Variants in DSCAM observed in about 807,000 individuals in gnomAD.
DSCAM encodes DS cell adhesion molecule, also known as cell adhesion molecule DSCAM.
Under a neutral mutation model 217.7 loss-of-function variants are expected in DSCAM, and 47 were observed. The observed-to-expected ratio is 0.22, with a 90% CI of 0.17 to 0.28. DSCAM has a LOEUF of 0.28. Among genes scored for constraint, DSCAM ranks in the 10% least tolerant of loss-of-function variants. The probability of loss-of-function intolerance (pLI) is 1.00; values close to 1 mark genes in which losing one functional copy is unlikely to be tolerated. For missense variants in DSCAM, 2,080 were observed against 2,618.3 expected (o/e 0.79, Z 4.49); for synonymous variants, 1,056 against 1,015.3 (o/e 1.04, Z -0.76).
At chr21:40,605,189 C>A (rs1337254906) in intron 3 of DSCAM, among the ~76,000 whole-genome samples, 3 of 152,170 alleles carry the variant, frequency 2.0e-5, no homozygotes, top group Non-Finnish European at 4.4e-5. Context: ...TAGTCTCCAG[C>A]AATTCATTGA....
chr21:40,022,545 G>GA (rs1469411744), intron 32 of DSCAM, among the ~76,000 whole-genome samples: 1 of 152,196 alleles, frequency 6.6e-6, no homozygotes, highest in Non-Finnish European at 1.5e-5. Flanking sequence ...CTTCATGGAA[G>GA]AAAATAAGAG....
chr21:40,245,946 G>T (rs903959960), intron 11 of DSCAM, among the ~76,000 whole-genome samples: 5 of 152,108 alleles, frequency 3.3e-5, no homozygotes, highest in African/African-American at 1.2e-4. Context: ...AGTCCCTTCT[G>T]TTTTAGCCCT....
chr21:40,342,802 G>A (rs1363584533), intron 6 of DSCAM, among the ~76,000 whole-genome samples: 1 of 136,876 alleles, frequency 7.3e-6, no homozygotes, highest in Non-Finnish European at 1.5e-5. Flanking sequence ...TCCCAGGCTG[G>A]CCTCAAACTC....
chr21:40,498,761 GTATATATATATATGGGTGTGTATATATA>G (rs1568855225), intron 3 of DSCAM, among the ~76,000 whole-genome samples: 2 of 29,548 alleles, frequency 6.8e-5, no homozygotes, highest in Admixed American at 4.5e-4. Flanking sequence ...ATATATGGGT[GTATATATATATATGGGTGTGTATATATA>G]TATATATATA....
chr21:40,300,066 C>T (rs1467627023), intron 9 of DSCAM, among the ~76,000 whole-genome samples: 1 of 152,044 alleles, frequency 6.6e-6, no homozygotes, highest in African/African-American at 2.4e-5. Context: ...GAGGATCCCC[C>T]ACTGTGGCCC....
At chr21:40,237,333 T>G (rs2073092523) in intron 11 of DSCAM, among the ~76,000 whole-genome samples, 1 of 152,156 alleles carries the variant, frequency 6.6e-6, no homozygotes, top group African/African-American at 2.4e-5. Context: ...TCATCTACAT[T>G]AGGTATATCT....
intron 1 of DSCAM, among the ~76,000 whole-genome samples, chr21:40,780,198 G>A (rs979673673): frequency 7.2e-5 from 11 of 152,042 alleles, no homozygotes; most frequent in Admixed American, 5.9e-4. Context: ...GCTGAAGCAC[G>A]TGTTCTTTCC....
intron 20 of DSCAM, among the ~76,000 whole-genome samples, chr21:40,095,250 A>G (rs780112340): frequency 1.1e-4 from 16 of 152,182 alleles, no homozygotes; most frequent in Non-Finnish European, 1.9e-4. Flanking sequence ...CTCATGATTC[A>G]ATTATCTCCC....
chr21:40,357,217 T>A (rs181140109), intron 4 of DSCAM, among the ~76,000 whole-genome samples: 111 of 152,302 alleles, frequency 7.3e-4, no homozygotes, highest in African/African-American at 2.6e-3. Context: ...CATTGCTTCA[T>A]TTACCTGCTT....
intron 3 of DSCAM, among the ~76,000 whole-genome samples, chr21:40,622,328 ACT>A (rs1268431227): frequency 1.3e-5 from 2 of 151,928 alleles, no homozygotes; most frequent in African/African-American, 4.8e-5. Flanking sequence ...CAATTTCTAG[ACT>A]CTAGAGGTTA....
rs549514752 is a variant in DSCAM, at chr21:40,292,237, C to T, written c.2182+3818G>A. On this transcript the variant is annotated intron_variant, in intron 10 of 32. Coordinates refer to ENST00000400454, the MANE Select transcript of DSCAM (RefSeq NM_001389.5). ...AAAGATTGTTTCATTTCTACAATAGCTACCTTTAAACTGCAGTGATTTACC... is the reference window on the plus strand; with the variant it reads ...AAAGATTGTTTCATTTCTACAATAGTTACCTTTAAACTGCAGTGATTTACC... Among the ~76,000 whole-genome samples the T allele has an allele frequency of 7.6e-5, 10 of 132,224 alleles. No homozygotes were observed. In the East Asian group the frequency reaches 2.0e-3, roughly 26 times the overall value. 86.7% of individuals were successfully genotyped at this position (132,224 alleles called of 152,430 possible). A position where few individuals can be genotyped will look rare whatever the true frequency, so the allele number is the denominator to read the frequency against.
intron 10 of DSCAM, among the ~76,000 whole-genome samples, chr21:40,289,624 T>C (rs1011357186): frequency 6.6e-6 from 1 of 152,200 alleles, no homozygotes; most frequent in Non-Finnish European, 1.5e-5. Flanking sequence ...TACATTGTAA[T>C]AATAATTTTA....
chr21:40,327,250 T>A (rs2074327723), intron 8 of DSCAM, among the ~76,000 whole-genome samples: 1 of 152,158 alleles, frequency 6.6e-6, no homozygotes, highest in Non-Finnish European at 1.5e-5. Flanking sequence ...GTAATTTGCT[T>A]GGCATTCTTT....
chr21:40,372,939 C>T (rs957846559), intron 3 of DSCAM, among the ~76,000 whole-genome samples: 9 of 152,058 alleles, frequency 5.9e-5, no homozygotes. Flanking sequence ...AGCATAGGGG[C>T]CAGTGGGATA....
intron 15 of DSCAM, among the ~76,000 whole-genome samples, chr21:40,171,938 G>C (rs948837247): frequency 6.6e-6 from 1 of 152,158 alleles, no homozygotes; most frequent in Non-Finnish European, 1.5e-5. Context: ...AACTAAATTT[G>C]AAAATTGTGT....
chr21:40,786,599 G>T (rs2091596486), intron 1 of DSCAM, among the ~76,000 whole-genome samples: 5 of 152,122 alleles, frequency 3.3e-5, no homozygotes, highest in Admixed American at 3.3e-4. Flanking sequence ...GTGCTGCAGG[G>T]GACATGGCAT....
intron 3 of DSCAM, among the ~76,000 whole-genome samples, chr21:40,664,159 G>A (rs1287902991): frequency 6.6e-6 from 1 of 152,124 alleles, no homozygotes; most frequent in Middle Eastern, 3.2e-3. Flanking sequence ...CGGGATAAAG[G>A]AAATGGATTA....
intron 1 of DSCAM, among the ~76,000 whole-genome samples, chr21:40,723,333 C>T (rs1175009143): frequency 1.3e-5 from 2 of 152,092 alleles, no homozygotes; most frequent in Admixed American, 1.3e-4. Context: ...AACACTTCAC[C>T]CTCCTTTATC....
At chr21:40,226,486 A>G (rs1464722993) in intron 11 of DSCAM, among the ~76,000 whole-genome samples, 1 of 152,142 alleles carries the variant, frequency 6.6e-6, no homozygotes, top group African/African-American at 2.4e-5. Flanking sequence ...CTATATTAAA[A>G]TGATATTTTC....
Sources: gnomAD v4.1 joint callset for allele counts (sites outside exome capture counted in the v4.1 genomes callset) on GRCh38, gnomAD v4.1.1 for gene constraint, MANE v1.5 for transcripts, NCBI Gene and HGNC (gene_info 2026-07-23, HGNC 2026-07-21) for gene names.